KCNQ1: variants seen among roughly 807,000 people sequenced by gnomAD.
The protein encoded by KCNQ1 is potassium voltage-gated channel subfamily Q member 1.
KCNQ1 carries 49 observed loss-of-function variants against 72.4 expected under a neutral mutation model. The ratio of observed to expected loss-of-function variants is 0.68; its 90% confidence interval spans 0.54 to 0.86. The LOEUF (loss-of-function observed/expected upper bound fraction) is 0.86. Among genes scored for constraint, KCNQ1 ranks in the 40% least tolerant of loss-of-function variants. KCNQ1 has a pLI of 0.00. For missense variants in KCNQ1, 790 were observed against 945.1 expected, an observed-to-expected ratio of 0.84 and a Z score of 2.15; for synonymous variants, 450 against 412.6, an observed-to-expected ratio of 1.09 and a Z score of -1.10.
At chr11:2,445,804 G>A (rs1323363988) in intron 1 of KCNQ1, among the ~76,000 whole-genome samples, 1 of 152,120 alleles carries the variant, frequency 6.6e-6, no homozygotes, top group Non-Finnish European at 1.5e-5. Flanking sequence ...GAAGAGAAGC[G>A]TGCTGGGGAG....
intron 2 of KCNQ1, among the ~76,000 whole-genome samples, chr11:2,529,279 A>G (rs179428): frequency 0.76 from 115,394 of 152,074 alleles, 44,078 homozygotes; most frequent in Non-Finnish European, 0.8. Context: ...CGGTACTAAA[A>G]TCAATTTCAT....
rs1015620100 is a variant in KCNQ1, at chr11:2,564,103, G to A, written c.478-6525G>A. Among the ~76,000 whole-genome samples the A allele has an allele frequency of 3.3e-5, 5 of 152,270 alleles. No individual in the cohort carries two copies. Among genetic ancestry groups the A allele is most frequent in the South Asian group, 2.1e-4 (1 of 4,828 alleles). On this transcript the variant is annotated intron_variant, in intron 2 of 15. Coordinates refer to ENST00000155840, the MANE Select transcript of KCNQ1 (RefSeq NM_000218.3). The surrounding 1 kb of genome is among the most constrained non-coding windows in gnomAD (Gnocchi z 4.5). ...TTCAGTATCAGAGAACACACATAACGTAAAATTCACCATTTCAGCCATTTC... is the reference window on the plus strand; with the variant it reads ...TTCAGTATCAGAGAACACACATAACATAAAATTCACCATTTCAGCCATTTC...
At position 2,711,232 on chromosome 11, in the gene KCNQ1, A is replaced by G. The variant is rs1253858849; in HGVS notation, c.1514+49151A>G. On this transcript the variant is annotated intron_variant, in intron 11 of 15. Coordinates refer to ENST00000155840, the MANE Select transcript of KCNQ1 (RefSeq NM_000218.3). This position sits in a 1 kb window ranked among gnomAD's most constrained non-coding sequence, Gnocchi z 5.4. ...TTTTGTGTGACAGTGACTGGCAGCCATACTTCCTCCCCATGTACTGGGTTC... is the reference window on the plus strand; with the variant it reads ...TTTTGTGTGACAGTGACTGGCAGCCGTACTTCCTCCCCATGTACTGGGTTC... Among the ~76,000 whole-genome samples, 7 of 152,180 alleles carry G rather than the reference A, an allele frequency of 4.6e-5. No individual in the cohort carries two copies. The highest frequency in any genetic ancestry group is 1.0e-4 in the Non-Finnish European group (7 of 68,034).
At chr11:2,557,511 C>A (rs1242216284) in intron 2 of KCNQ1, among the ~76,000 whole-genome samples, 1 of 152,220 alleles carries the variant, frequency 6.6e-6, no homozygotes, top group Non-Finnish European at 1.5e-5. Context: ...AAACCATCCA[C>A]AAATCTAGCA....
At chr11:2,822,699 A>G (rs896668980) in intron 15 of KCNQ1, among the ~76,000 whole-genome samples, 5 of 152,166 alleles carry the variant, frequency 3.3e-5, no homozygotes, top group African/African-American at 1.2e-4. Flanking sequence ...AGGGCTGAAC[A>G]CGGGCCAAAG....
chr11:2,749,439 C>T (rs1007340629), intron 11 of KCNQ1, among the ~76,000 whole-genome samples: 5 of 152,060 alleles, frequency 3.3e-5, no homozygotes, highest in African/African-American at 7.2e-5. Flanking sequence ...ACCCTGGGCA[C>T]GCTGCTGAGC....
intron 14 of KCNQ1, 77 bp downstream of exon 14, chr11:2,777,109 C>T (rs1034992632): frequency 2.8e-6 from 4 of 1,424,220 alleles, no homozygotes; most frequent in Non-Finnish European, 3.9e-6. Flanking sequence ...CCTGGCTCTC[C>T]CCATGATGTC....
intron 15 of KCNQ1, among the ~76,000 whole-genome samples, chr11:2,778,338 G>A (rs1424012852): frequency 4.6e-5 from 7 of 152,210 alleles, no homozygotes; most frequent in Admixed American, 3.3e-4. Context: ...GCTGCCTCTC[G>A]TAGTCTGCTT....
In KCNQ1 at chr11:2,508,788, A is replaced by T. The variant is rs147636942; in HGVS notation, c.387-19140A>T. Among the ~76,000 whole-genome samples, 496 of 152,360 alleles carry T rather than the reference A, an allele frequency of 3.3e-3. 5 individuals are homozygous for T. Among genetic ancestry groups the T allele is most frequent in the Middle Eastern group, 6.8e-3 (2 of 294 alleles). On this transcript the variant is annotated intron_variant, in intron 1 of 15. Coordinates refer to ENST00000155840, the MANE Select transcript of KCNQ1 (RefSeq NM_000218.3). This position sits in a 1 kb window ranked among gnomAD's most constrained non-coding sequence, Gnocchi z 6.2. ...AACTAAGCTTTTTAGGAAGAAAGCC[A>T]TCAATTCCCCTGCTCTCATACAGGC...
At chr11:2,584,543 GTT>G (rs879668933) in intron 7 of KCNQ1, among the ~76,000 whole-genome samples, 12,018 of 139,916 alleles carry the variant, frequency 0.086, 587 homozygotes, top group East Asian at 0.17. Flanking sequence ...GTTAGTATGT[GTT>G]TGTGTTAGTG....
chr11:2,816,462 C>A lies in KCNQ1; in HGVS notation c.1795-31305C>A, dbSNP rs962360444. 4.1e-4 allele frequency among the ~76,000 whole-genome samples: 62 copies of A among 152,244 alleles called. No homozygotes were observed. Among genetic ancestry groups the A allele is most frequent in the African/African-American group, 1.5e-3 (61 of 41,544 alleles). On this transcript the variant is annotated intron_variant, in intron 15 of 15. Coordinates refer to ENST00000155840, the MANE Select transcript of KCNQ1 (RefSeq NM_000218.3). This position sits in a 1 kb window ranked among gnomAD's most constrained non-coding sequence, Gnocchi z 6.8. ...AGAATCCGCCCTGGAGCAGTAACAC[C>A]CTTGGGACTGAGAATGGCTTCTGGG...
chr11:2,528,170 G>C (rs1021308433), intron 2 of KCNQ1, 152 bp downstream of exon 2: 2 of 742,600 alleles, frequency 2.7e-6, no homozygotes, highest in Non-Finnish European at 4.8e-6. Flanking sequence ...CACCTCCCCA[G>C]CCCCCACACT....
At chr11:2,524,934 G>A (rs552358926) in intron 1 of KCNQ1, among the ~76,000 whole-genome samples, 106 of 152,166 alleles carry the variant, frequency 7.0e-4, no homozygotes, top group Non-Finnish European at 1.3e-3. Context: ...GGGCAGCCCG[G>A]CTCTGCTTCC....
At chr11:2,692,453 C>G (rs1284030223) in intron 11 of KCNQ1, 5 of 398,618 alleles carry the variant, frequency 1.3e-5, no homozygotes, top group Non-Finnish European at 2.2e-5. Flanking sequence ...GTGGGTCTTG[C>G]TTAATCCTGC....
chr11:2,491,542 G>A lies in KCNQ1; in HGVS notation c.387-36386G>A, dbSNP rs1314106733. On this transcript the variant is annotated intron_variant, in intron 1 of 15. Coordinates refer to ENST00000155840, the MANE Select transcript of KCNQ1 (RefSeq NM_000218.3). The surrounding 1 kb of genome is among the most constrained non-coding windows in gnomAD (Gnocchi z 4.1). ...ACAGGATATTTGTAAATACACAGAGGAGACAGAATAAGAACGAATGAAGCA... is the reference window on the plus strand; with the variant it reads ...ACAGGATATTTGTAAATACACAGAGAAGACAGAATAAGAACGAATGAAGCA... Among the ~76,000 whole-genome samples the A allele has an allele frequency of 6.6e-6, 1 of 152,106 alleles. No homozygotes were observed. Among genetic ancestry groups the A allele is most frequent in the East Asian group, 1.9e-4 (1 of 5,198 alleles).
rs963719658 is a variant in KCNQ1, at chr11:2,579,397, A to C, written c.922-4038A>C. ...CCCCACAGTTCCTGCCATGGGCGTGACTTTGTGTGCCTCATATGGCTGGTG... is the reference window on the plus strand; with the variant it reads ...CCCCACAGTTCCTGCCATGGGCGTGCCTTTGTGTGCCTCATATGGCTGGTG... On this transcript the variant is annotated intron_variant, in intron 6 of 15. Transcript: ENST00000155840. This position sits in a 1 kb window ranked among gnomAD's most constrained non-coding sequence, Gnocchi z 6.0. 1.3e-5 allele frequency among the ~76,000 whole-genome samples: 2 copies of C among 152,170 alleles called. No individual in the cohort carries two copies. Among genetic ancestry groups the C allele is most frequent in the Non-Finnish European group, 2.9e-5 (2 of 68,032 alleles).
At position 2,813,613 on chromosome 11, in the gene KCNQ1, G is replaced by C. The variant is rs1476350684; in HGVS notation, c.1795-34154G>C. 1.3e-5 allele frequency among the ~76,000 whole-genome samples: 2 copies of C among 152,096 alleles called. No homozygotes were observed. The highest frequency in any genetic ancestry group is 2.9e-5 in the Non-Finnish European group (2 of 68,026). On this transcript the variant is annotated intron_variant, in intron 15 of 15. Coordinates refer to ENST00000155840, the MANE Select transcript of KCNQ1 (RefSeq NM_000218.3). The surrounding 1 kb of genome is among the most constrained non-coding windows in gnomAD (Gnocchi z 4.4). ...GGGGGCAGGGACTCAAAGGATGAGA[G>C]AAGGAACAGAGGGGAGGACCAACAT...
intron 10 of KCNQ1, chr11:2,630,772 G>T (rs1302146253): frequency 2.5e-6 from 1 of 398,472 alleles, no homozygotes; most frequent in Non-Finnish European, 4.4e-6. Context: ...AAGAGTAGTT[G>T]CTGATAAACT....
At chr11:2,597,662 C>G (rs1254049023) in intron 10 of KCNQ1, among the ~76,000 whole-genome samples, 1 of 152,184 alleles carries the variant, frequency 6.6e-6, no homozygotes, top group Non-Finnish European at 1.5e-5. Flanking sequence ...GTTTGAAGAA[C>G]ATTGGGATTA....
Sources: allele counts gnomAD v4.1 joint callset (sites outside exome capture counted in the v4.1 genomes callset), GRCh38; gene constraint gnomAD v4.1.1; non-coding constraint Gnocchi (gnomAD v3.1); transcripts MANE v1.5; gene names NCBI Gene and HGNC (gene_info 2026-07-23, HGNC 2026-07-21).